NUMB: variants seen among roughly 807,000 people sequenced by gnomAD.
NUMB encodes the protein protein numb homolog.
Under a neutral mutation model 59.7 loss-of-function variants are expected in NUMB, and 29 were observed. The ratio of observed to expected loss-of-function variants is 0.49; its 90% CI spans 0.36 to 0.66. NUMB has a LOEUF of 0.66. Among genes scored for constraint, NUMB ranks in the 30% least tolerant of loss-of-function variants. The pLI is 0.00. For synonymous variants in NUMB, 288 were observed against 288.2 expected (o/e 1.00, Z 0.01); for missense variants, 723 against 822.0 (o/e 0.88, Z 1.47).
intron 11 of NUMB, among the ~76,000 whole-genome samples, chr14:73,281,225 T>G (rs1314936018): frequency 6.6e-6 from 1 of 151,564 alleles, no homozygotes; most frequent in East Asian, 1.9e-4. Context: ...TTTGGGCAAT[T>G]TACTTATCCT....
At chr14:73,352,475 C>CATATAT (rs1893397883) in intron 4 of NUMB, among the ~76,000 whole-genome samples, 1 of 13,718 alleles carries the variant, frequency 7.3e-5, no homozygotes, top group Non-Finnish European at 1.5e-4. Flanking sequence ...CACACACACA[C>CATATAT]ACATATATAT....
intron 6 of NUMB, among the ~76,000 whole-genome samples, chr14:73,301,298 G>A (rs544425247): frequency 6.6e-6 from 1 of 152,328 alleles, no homozygotes; most frequent in African/African-American, 2.4e-5. Flanking sequence ...GCAGTGTTCA[G>A]TATCTGAGGC....
chr14:73,300,842 C>A (rs879855539), intron 6 of NUMB, among the ~76,000 whole-genome samples: 2 of 151,948 alleles, frequency 1.3e-5, no homozygotes, highest in Non-Finnish European at 2.9e-5. Context: ...TGTGTGATGT[C>A]CCCCTACCTG....
At chr14:73,283,294 C>T (rs177378) in intron 10 of NUMB, among the ~76,000 whole-genome samples, 35,284 of 152,072 alleles carry the variant, frequency 0.23, 4,558 homozygotes, top group Non-Finnish European at 0.26. Flanking sequence ...ATTCTTTAGG[C>T]CTAGTTTCAT....
chr14:73,402,388 G>C (rs532158234), intron 2 of NUMB, among the ~76,000 whole-genome samples: 3 of 152,066 alleles, frequency 2.0e-5, no homozygotes, highest in African/African-American at 4.8e-5. Flanking sequence ...CTTTTACTGA[G>C]AGCCCATAAA....
At chr14:73,282,297 G>T in intron 11 of NUMB, 62 bp downstream of exon 11, 2 of 1,549,752 alleles carry the variant, frequency 1.3e-6, no homozygotes, top group East Asian at 2.3e-5. Flanking sequence ...TACAGTTAGT[G>T]AGCAGTGTAC....
At chr14:73,387,489 G>T (rs1895603942) in intron 2 of NUMB, among the ~76,000 whole-genome samples, 2 of 152,054 alleles carry the variant, frequency 1.3e-5, no homozygotes, top group African/African-American at 2.4e-5. Context: ...TTTTATAAGA[G>T]GCTTTTCCCC....
At chr14:73,312,056 A>G (rs1048643343) in intron 6 of NUMB, among the ~76,000 whole-genome samples, 1 of 152,198 alleles carries the variant, frequency 6.6e-6, no homozygotes, top group African/African-American at 2.4e-5. Context: ...ATTATATATT[A>G]GTATAAAATC....
intron 2 of NUMB, among the ~76,000 whole-genome samples, chr14:73,387,414 A>T (rs1169573651): frequency 6.6e-6 from 1 of 152,206 alleles, no homozygotes; most frequent in Non-Finnish European, 1.5e-5. Context: ...AGAGAAAAGG[A>T]TAAGAAAGGA....
intron 3 of NUMB, among the ~76,000 whole-genome samples, chr14:73,364,448 G>C (rs1894239022): frequency 2.6e-5 from 4 of 152,002 alleles, no homozygotes; most frequent in Admixed American, 2.6e-4. Flanking sequence ...AGGTTGCAGT[G>C]GGCTGAGATT....
At chr14:73,417,018 G>C (rs1339689686) in intron 1 of NUMB, among the ~76,000 whole-genome samples, 1 of 151,834 alleles carries the variant, frequency 6.6e-6, no homozygotes, top group East Asian at 1.9e-4. Flanking sequence ...AGGAGCATCT[G>C]AACATTGAGA....
intron 1 of NUMB, among the ~76,000 whole-genome samples, chr14:73,432,403 TGAGAG>T (rs1897872733): frequency 1.3e-5 from 2 of 152,016 alleles, no homozygotes; most frequent in Admixed American, 6.6e-5. Context: ...CTCATTGAAA[TGAGAG>T]GAATGAATGC....
At chr14:73,377,266 C>A (rs1168194040) in intron 2 of NUMB, among the ~76,000 whole-genome samples, 1 of 152,150 alleles carries the variant, frequency 6.6e-6, no homozygotes, top group Non-Finnish European at 1.5e-5. Context: ...TTCTTCTCTA[C>A]TAAAGACACA....
chr14:73,352,343 G>A (rs1189323245), intron 4 of NUMB, among the ~76,000 whole-genome samples: 1 of 149,792 alleles, frequency 6.7e-6, no homozygotes, highest in East Asian at 1.9e-4. Context: ...TGATCCTATA[G>A]TCTAGGATCA....
In NUMB at chr14:73,279,337, T is replaced by C; in HGVS notation, c.1184A>G (p.Asn395Ser). ...APVAMPVRET[N>S]PWAHAPDAAN... is the part of the protein sequence containing the mutation. The stretch of plus-strand genomic sequence containing the variant: ...AGCATCAGGGGCATGGGCCCAAGGG[T>C]TGGTTTCACGCACAGGCATTGCTAC... Residue 395 changes from asparagine (N) to serine (S), a missense_variant, in exon 12 of 13, where the codon AAC becomes AGC. Asn to Ser is a conservative substitution (Grantham distance 46). Transcript: ENST00000555238. The C allele has an allele frequency of 1.2e-6, 2 of 1,613,864 alleles. No individual in the cohort carries two copies. The highest frequency in any genetic ancestry group is 1.7e-6 in the Non-Finnish European group (2 of 1,179,844).
intron 1 of NUMB, among the ~76,000 whole-genome samples, chr14:73,452,468 C>G (rs1048713524): frequency 6.6e-6 from 1 of 151,950 alleles, no homozygotes; most frequent in Non-Finnish European, 1.5e-5. Flanking sequence ...TGCAGTGAGC[C>G]GAGATCATGC....
chr14:73,427,652 C>T (rs1004019871), intron 1 of NUMB, among the ~76,000 whole-genome samples: 2 of 152,040 alleles, frequency 1.3e-5, no homozygotes, highest in African/African-American at 2.4e-5. Flanking sequence ...ACAGTGAAAG[C>T]CAGTTCTCAA....
At chr14:73,280,451 T>C (rs1048745672) in intron 11 of NUMB, among the ~76,000 whole-genome samples, 3 of 151,946 alleles carry the variant, frequency 2.0e-5, no homozygotes, top group Admixed American at 2.0e-4. Flanking sequence ...CAAAGATTTT[T>C]TTCCCCCTCT....
intron 1 of NUMB, among the ~76,000 whole-genome samples, chr14:73,432,926 C>T (rs558772672): frequency 1.3e-3 from 193 of 152,234 alleles, no homozygotes; most frequent in Non-Finnish European, 2.1e-3. Context: ...AATTTTTGAC[C>T]AGACATGGTG....
Sources: gnomAD v4.1 joint callset for allele counts (sites outside exome capture counted in the v4.1 genomes callset) on GRCh38, gnomAD v4.1.1 for gene constraint, MANE v1.5 for transcripts, NCBI Gene and HGNC (gene_info 2026-07-23, HGNC 2026-07-21) for gene names.